Variants in SLC22A4 observed in about 807,000 individuals in gnomAD.
SLC22A4 encodes ET transporter.
Under a neutral mutation model 56.6 loss-of-function variants are expected in SLC22A4, and 39 were observed. The ratio of observed to expected loss-of-function variants is 0.69; its 90% CI spans 0.53 to 0.90. The LOEUF is 0.90. Among genes scored for constraint, SLC22A4 ranks in the 40% least tolerant of loss-of-function variants. The pLI, the probability that SLC22A4 is intolerant of heterozygous loss-of-function variation, is 0.00. For synonymous variants in SLC22A4, 241 were observed against 281.4 expected, an observed-to-expected ratio of 0.86 and a Z score of 1.44; for missense variants, 594 against 696.5, an observed-to-expected ratio of 0.85 and a Z score of 1.66.
intron 8 of SLC22A4, among the ~76,000 whole-genome samples, chr5:132,338,815 G>A (rs1044341609): frequency 7.9e-5 from 12 of 152,102 alleles, no homozygotes; most frequent in Middle Eastern, 3.2e-3. Flanking sequence ...CCCAGATTTC[G>A]TATTGTTCAA....
chr5:132,308,606 G>A (rs1219875294), intron 1 of SLC22A4, among the ~76,000 whole-genome samples: 4 of 151,952 alleles, frequency 2.6e-5, no homozygotes, highest in Admixed American at 2.0e-4. Context: ...GGAGCCATGG[G>A]AAGCGGCACA....
At chr5:132,328,945 T>TA (rs1388931212) in intron 5 of SLC22A4, among the ~76,000 whole-genome samples, 1 of 145,512 alleles carries the variant, frequency 6.9e-6, no homozygotes, top group Non-Finnish European at 1.5e-5. Flanking sequence ...ACACACACTT[T>TA]AAAAAAATTT....
chr5:132,295,402 G>C (rs1051452086), intron 1 of SLC22A4: 2 of 434,536 alleles, frequency 4.6e-6, no homozygotes, highest in African/African-American at 2.0e-5. Flanking sequence ...TTACTGGGCA[G>C]GGCGGGGCCA....
At position 132,294,813 on chromosome 5, in the gene SLC22A4, G is replaced by A; in HGVS notation, c.197G>A (p.Ser66Asn). The stretch of plus-strand genomic sequence containing the variant: ...CTGAGCAGCGCCTGGCGCAACAACA[G>A]TGTCCCGCTGCGGCTGCGGGACGGC... ...ANLSSAWRNN[S>N]VPLRLRDGRE... The change falls in exon 1 of 10, where the codon AGT becomes AAT. Residue 66 changes from serine to asparagine, a missense_variant. Physicochemically the swap from Ser to Asn is conservative, Grantham distance 46. Coordinates refer to ENST00000200652, the MANE Select transcript of SLC22A4 (RefSeq NM_003059.3). The surrounding 1 kb of genome is among the most constrained non-coding windows in gnomAD (Gnocchi z 5.6). The A allele has an allele frequency of 6.2e-7, 1 of 1,612,084 alleles. No homozygotes were observed. Among genetic ancestry groups the A allele is most frequent in the Non-Finnish European group, 8.5e-7 (1 of 1,179,532 alleles).
At chr5:132,322,148 G>A (rs1359124088) in intron 3 of SLC22A4, 36 bp from the exon 4 acceptor site, 1 of 1,576,842 alleles carries the variant, frequency 6.3e-7, no homozygotes, top group Non-Finnish European at 8.7e-7. Flanking sequence ...ATTAAAGTGA[G>A]TTAATATGCT....
intron 5 of SLC22A4, among the ~76,000 whole-genome samples, chr5:132,328,511 A>G (rs1212645194): frequency 2.0e-5 from 3 of 152,128 alleles, no homozygotes; most frequent in Admixed American, 2.0e-4. Flanking sequence ...AGGACAAAAC[A>G]TCCCTTAATC....
intron 5 of SLC22A4, among the ~76,000 whole-genome samples, chr5:132,329,589 A>G (rs1042283288): frequency 2.0e-5 from 3 of 152,116 alleles, no homozygotes; most frequent in Non-Finnish European, 2.9e-5. Context: ...ACCAAAGTAC[A>G]TGCTCTTAAC....
intron 2 of SLC22A4, among the ~76,000 whole-genome samples, chr5:132,312,774 G>A (rs1044844074): frequency 2.0e-5 from 3 of 152,218 alleles, no homozygotes; most frequent in Admixed American, 1.3e-4. Context: ...CAGGCCTGAG[G>A]AGGCAGCATC....
chr5:132,338,217 G>C (rs943450720), intron 8 of SLC22A4, among the ~76,000 whole-genome samples: 1 of 152,092 alleles, frequency 6.6e-6, no homozygotes. Context: ...ATATTGGCAG[G>C]TTCCATGATG....
chr5:132,296,134 G>T (rs370868666), intron 1 of SLC22A4, among the ~76,000 whole-genome samples: 2 of 152,196 alleles, frequency 1.3e-5, no homozygotes, highest in African/African-American at 2.4e-5. Flanking sequence ...CACCCTCTCT[G>T]TGGGACAATA....
intron 1 of SLC22A4, chr5:132,295,248 CTT>C (rs928599780): frequency 4.2e-6 from 3 of 712,498 alleles, no homozygotes; most frequent in Non-Finnish European, 7.8e-6. Flanking sequence ...CACCAACTGT[CTT>C]TTCATTTCCG....
Position 132,311,797 on chromosome 5 carries a change from C to A in SLC22A4, c.394-364C>A, listed in dbSNP as rs141456207. Reference sequence around the variant, plus strand: ...CCTCCCCTCCGCACTAGGCTGGCTTCTGAAGATGCAGTGCCACCTTTACTT... The same window carrying A: ...CCTCCCCTCCGCACTAGGCTGGCTTATGAAGATGCAGTGCCACCTTTACTT... On this transcript the variant is annotated intron_variant, in intron 1 of 9. Transcript: ENST00000200652. The A allele has an allele frequency of 8.1e-3, 2,902 of 356,692 alleles. 14 individuals carry two copies. The highest frequency in any genetic ancestry group is 9.5e-3 in the Non-Finnish European group (1,766 of 185,828). 22.1% of individuals were successfully genotyped at this position (356,692 alleles called of 1,614,324 possible).
chr5:132,320,298 C>T (rs1412225813), intron 3 of SLC22A4, among the ~76,000 whole-genome samples: 1 of 152,236 alleles, frequency 6.6e-6, no homozygotes, highest in Non-Finnish European at 1.5e-5. Context: ...AAGATTCTCA[C>T]TTGATCCTGC....
intron 4 of SLC22A4, among the ~76,000 whole-genome samples, chr5:132,326,222 C>A (rs1750685622): frequency 6.6e-6 from 1 of 152,192 alleles, no homozygotes; most frequent in Admixed American, 6.5e-5. Flanking sequence ...AGCTTGCCTG[C>A]CCTGCATCCC....
At chr5:132,308,991 C>T (rs1198857360) in intron 1 of SLC22A4, among the ~76,000 whole-genome samples, 1 of 152,160 alleles carries the variant, frequency 6.6e-6, no homozygotes, top group African/African-American at 2.4e-5. Flanking sequence ...ACAGGTCTGT[C>T]CCATCAAGGA....
intron 1 of SLC22A4, 111 bp from the exon 2 acceptor site, chr5:132,312,050 C>G: frequency 1.3e-6 from 1 of 788,452 alleles, no homozygotes; most frequent in South Asian, 1.3e-5. Flanking sequence ...ATATCCTGGC[C>G]CAGGGGAGGA....
At chr5:132,301,033 G>A (rs1260049729) in intron 1 of SLC22A4, among the ~76,000 whole-genome samples, 2 of 152,200 alleles carry the variant, frequency 1.3e-5, no homozygotes, top group Non-Finnish European at 2.9e-5. Context: ...GAGGAAACCC[G>A]GCAGCCTCCT....
intron 1 of SLC22A4, chr5:132,311,207 AG>A (rs765482806): frequency 2.6e-5 from 4 of 152,244 alleles, no homozygotes; most frequent in Non-Finnish European, 4.4e-5. Flanking sequence ...GGTGGGAGGC[AG>A]GGGTCTTTCC....
At chr5:132,316,675 T>C (rs1373685749) in intron 3 of SLC22A4, among the ~76,000 whole-genome samples, 5 of 152,356 alleles carry the variant, frequency 3.3e-5, no homozygotes, top group African/African-American at 4.8e-5. Flanking sequence ...CTTCCTCTGA[T>C]GTCTAGAGGT....
Sources: gnomAD v4.1 joint callset for allele counts (sites outside exome capture counted in the v4.1 genomes callset) on GRCh38, gnomAD v4.1.1 for gene constraint, Gnocchi (gnomAD v3.1) non-coding constraint, MANE v1.5 for transcripts, NCBI Gene and HGNC (gene_info 2026-07-23, HGNC 2026-07-21) for gene names.